The following SUPT3H variants were observed in gnomAD, a reference collection of about 807,000 sequenced individuals.
SUPT3H encodes transcription initiation protein SPT3 homolog.
In SUPT3H, 44 loss-of-function variants were observed where a neutral mutation model predicts 44.3. The ratio of observed to expected loss-of-function variants is 0.99; its 90% CI spans 0.78 to 1.28. The LOEUF is 1.28. Among genes scored for constraint, SUPT3H ranks in the 50% most tolerant of loss-of-function variants. The pLI is 0.00. For missense variants in SUPT3H, 380 were observed against 387.1 expected, an observed-to-expected ratio of 0.98 and a Z score of 0.15; for synonymous variants, 124 against 125.6, an observed-to-expected ratio of 0.99 and a Z score of 0.09.
intron 10 of SUPT3H, among the ~76,000 whole-genome samples, chr6:44,830,919 C>T (rs756218532): frequency 7.1e-6 from 1 of 140,896 alleles, no homozygotes; most frequent in African/African-American, 2.9e-5. Flanking sequence ...TAACCTTTTA[C>T]GATCAAGATA....
chr6:45,151,800 G>A (rs1427692929), intron 2 of SUPT3H, among the ~76,000 whole-genome samples: 1 of 152,154 alleles, frequency 6.6e-6, no homozygotes, highest in Admixed American at 6.6e-5. Context: ...TTAGCCCAGT[G>A]ATAAAGGCCC....
rs374688415 is a variant in SUPT3H at position 44,828,440 on chromosome 6, A to G, written c.*1376T>C. Among the ~76,000 whole-genome samples, 10 of 152,294 alleles carry G rather than the reference A, an allele frequency of 6.6e-5. No homozygotes were observed. Among genetic ancestry groups the G allele is most frequent in the African/African-American group, 2.4e-4 (10 of 41,572 alleles). On this transcript the variant is annotated 3_prime_UTR_variant, in exon 11 of 11. Coordinates refer to ENST00000371459, the MANE Select transcript of SUPT3H (RefSeq NM_003599.4). Reference sequence around the variant, plus strand: ...TTAACAAATGTAAATAATGTGGCATAATAATATTAACTGAGCCTCATAATT... The same window carrying G: ...TTAACAAATGTAAATAATGTGGCATGATAATATTAACTGAGCCTCATAATT...
intron 2 of SUPT3H, among the ~76,000 whole-genome samples, chr6:45,240,989 C>A (rs1380557567): frequency 6.6e-6 from 1 of 152,184 alleles, no homozygotes; most frequent in Non-Finnish European, 1.5e-5. Flanking sequence ...CTTGAAGGAG[C>A]TGCAGACAGA....
intron 2 of SUPT3H, among the ~76,000 whole-genome samples, chr6:45,222,041 T>C (rs1268051678): frequency 2.0e-5 from 3 of 152,046 alleles, no homozygotes; most frequent in East Asian, 1.9e-4. Context: ...TATAACCTTT[T>C]CAACAAATAG....
intron 2 of SUPT3H, among the ~76,000 whole-genome samples, chr6:45,210,761 T>C (rs12205905): frequency 0.23 from 34,929 of 152,046 alleles, 4,670 homozygotes; most frequent in Non-Finnish European, 0.31. Context: ...TAAACTATAG[T>C]ATAGGGTAAA....
intron 5 of SUPT3H, among the ~76,000 whole-genome samples, chr6:45,012,594 T>G (rs1783655184): frequency 1.3e-5 from 2 of 152,144 alleles, no homozygotes; most frequent in South Asian, 4.1e-4. Flanking sequence ...TTTAGTTATT[T>G]GAACACATAC....
At chr6:45,320,231 AGAG>A (rs1462506816) in intron 2 of SUPT3H, among the ~76,000 whole-genome samples, 1 of 152,056 alleles carries the variant, frequency 6.6e-6, no homozygotes, top group African/African-American at 2.4e-5. Context: ...CTGTTCTATA[AGAG>A]GAGTGGACAA....
intron 2 of SUPT3H, among the ~76,000 whole-genome samples, chr6:45,137,818 A>G (rs1804555641): frequency 6.6e-6 from 1 of 152,016 alleles, no homozygotes; most frequent in Non-Finnish European, 1.5e-5. Flanking sequence ...AAATATACTA[A>G]ACACCCAACT....
intron 6 of SUPT3H, among the ~76,000 whole-genome samples, chr6:44,988,637 GACT>G (rs1023911722): frequency 1.9e-4 from 28 of 146,394 alleles, no homozygotes; most frequent in Admixed American, 1.3e-3. Context: ...TTAAAAAAAA[GACT>G]ACATTTGATT....
At chr6:45,304,414 A>G (rs1782668906) in intron 2 of SUPT3H, among the ~76,000 whole-genome samples, 1 of 152,156 alleles carries the variant, frequency 6.6e-6, no homozygotes, top group Non-Finnish European at 1.5e-5. Context: ...CAATGAAACC[A>G]TCCAAAAAAC....
intron 2 of SUPT3H, among the ~76,000 whole-genome samples, chr6:45,264,879 T>C (rs1029855104): frequency 1.3e-5 from 2 of 151,916 alleles, no homozygotes; most frequent in Non-Finnish European, 2.9e-5. Context: ...AGAACTAGTT[T>C]AAAGAAAAGA....
intron 3 of SUPT3H, among the ~76,000 whole-genome samples, chr6:45,022,758 T>C (rs1177144768): frequency 6.6e-6 from 1 of 151,934 alleles, no homozygotes; most frequent in East Asian, 1.9e-4. Context: ...AAGACAGAAA[T>C]CTTATTAGCT....
intron 2 of SUPT3H, among the ~76,000 whole-genome samples, chr6:45,303,906 T>C (rs193193401): frequency 5.9e-5 from 9 of 151,822 alleles, no homozygotes; most frequent in African/African-American, 1.9e-4. Context: ...GGCAAAAGAA[T>C]TGCTTGAACC....
At chr6:44,819,780 A>G (rs574507328) in intron 11 of SUPT3H, among the ~76,000 whole-genome samples, 1 of 152,184 alleles carries the variant, frequency 6.6e-6, no homozygotes, top group African/African-American at 2.4e-5. Context: ...TGTATCAAAA[A>G]AAAGAAAAAA....
intron 2 of SUPT3H, among the ~76,000 whole-genome samples, chr6:45,191,381 A>G (rs573049497): frequency 6.6e-6 from 1 of 152,260 alleles, no homozygotes; most frequent in East Asian, 1.9e-4. Context: ...TGTAGACAAT[A>G]AAAAGATCAG....
At chr6:44,845,803 T>TG (rs1384110036) in intron 10 of SUPT3H, among the ~76,000 whole-genome samples, 1 of 152,202 alleles carries the variant, frequency 6.6e-6, no homozygotes, top group Non-Finnish European at 1.5e-5. Context: ...CTGGCTCCCC[T>TG]ATCTGCTGAG....
intron 3 of SUPT3H, among the ~76,000 whole-genome samples, chr6:45,032,052 G>A (rs910786952): frequency 6.6e-6 from 1 of 152,144 alleles, no homozygotes; most frequent in Non-Finnish European, 1.5e-5. Flanking sequence ...ATATGTAAAA[G>A]ACATTGGTCT....
chr6:45,144,806 A>T (rs1805775810), intron 2 of SUPT3H, among the ~76,000 whole-genome samples: 1 of 152,140 alleles, frequency 6.6e-6, no homozygotes, highest in Admixed American at 6.6e-5. Flanking sequence ...AATTCATTTG[A>T]TAAATGAATT....
intron 2 of SUPT3H, among the ~76,000 whole-genome samples, chr6:45,209,501 A>C (rs1763739602): frequency 6.6e-6 from 1 of 152,212 alleles, no homozygotes; most frequent in Admixed American, 6.5e-5. Context: ...ATGTGGTAGA[A>C]ACTGTAAGAG....
Sources: allele counts gnomAD v4.1 joint callset (sites outside exome capture counted in the v4.1 genomes callset), GRCh38; gene constraint gnomAD v4.1.1; transcripts MANE v1.5; gene names NCBI Gene and HGNC (gene_info 2026-07-23, HGNC 2026-07-21).